CATSPERB: variants seen among roughly 807,000 people sequenced by gnomAD.
CATSPERB encodes the protein catsper channel auxiliary subunit beta.
CATSPERB carries 93 observed loss-of-function variants against 128.3 expected under a neutral mutation model. The ratio of observed to expected loss-of-function variants is 0.72; its 90% CI spans 0.61 to 0.86. The LOEUF (loss-of-function observed/expected upper bound fraction) is 0.86, where lower values mean the gene tolerates loss of function less well. CATSPERB is among the 40% of genes least tolerant of loss of function. CATSPERB has a pLI of 0.00. For synonymous variants in CATSPERB, 381 were observed against 448.8 expected (o/e 0.85, Z 1.91); for missense variants, 1,153 against 1,329.5 (o/e 0.87, Z 2.06).
chr14:91,657,135 T>C (rs915135348), intron 15 of CATSPERB, among the ~76,000 whole-genome samples: 4 of 151,660 alleles, frequency 2.6e-5, no homozygotes, highest in African/African-American at 9.7e-5. Flanking sequence ...AGACAGAAAA[T>C]CAAAAAAGAA....
rs528681483 is a variant in CATSPERB at position 91,659,583 on chromosome 14, G to A, written c.1432+254C>T. The stretch of plus-strand genomic sequence containing the variant: ...GCTGAGCACAATTGTAGCTTGACAA[G>A]TGGTAGCTGTTATTATTTGGCTTTT... On this transcript the variant is annotated intron_variant, in intron 15 of 26. Coordinates refer to ENST00000256343, the MANE Select transcript of CATSPERB (RefSeq NM_024764.4). Among the ~76,000 whole-genome samples, 9 of 152,334 alleles carry A rather than the reference G, an allele frequency of 5.9e-5. No individual in the cohort carries two copies. The South Asian group carries it at 1.9e-3, about 32-fold the overall frequency.
At chr14:91,582,637 T>C (rs2139752086) in intron 26 of CATSPERB, among the ~76,000 whole-genome samples, 1 of 152,264 alleles carries the variant, frequency 6.6e-6, no homozygotes, top group South Asian at 2.1e-4. Context: ...CACCTTTGAG[T>C]GGTACCTTTG....
intron 22 of CATSPERB, among the ~76,000 whole-genome samples, chr14:91,599,545 C>CAAAAAAAAAA (rs36175924): frequency 1.8e-5 from 2 of 113,978 alleles, no homozygotes; most frequent in Non-Finnish European, 3.5e-5. Flanking sequence ...GGCGGCAGAG[C>CAAAAAAAAAA]AAAAAAAAAA....
Position 91,621,678 on chromosome 14 carries a change from G to A in CATSPERB, c.2190C>T (p.Leu730=), listed in dbSNP as rs1270765069. 1 of 1,613,344 alleles carries A rather than the reference G, an allele frequency of 6.2e-7. No individual in the cohort carries two copies. Among genetic ancestry groups the A allele is most frequent in the Non-Finnish European group, 8.5e-7 (1 of 1,179,346 alleles). Residue 730 remains leucine, a synonymous_variant, in exon 19 of 27, where the codon CTC becomes CTT. Transcript: ENST00000256343. ...YWFQHDDSPS[L]NIVKYIDLGN... ...CCAGATCAATGTATTTCACGATGTT[G>A]AGGGATGGTGAATCATCATGTTGAA...
chr14:91,685,497 C>T (rs975898243), intron 10 of CATSPERB, among the ~76,000 whole-genome samples: 5 of 152,034 alleles, frequency 3.3e-5, no homozygotes, highest in South Asian at 2.1e-4. Flanking sequence ...TGTGCAAGGC[C>T]GTGTGGTAAT....
intron 17 of CATSPERB, among the ~76,000 whole-genome samples, chr14:91,630,722 C>T (rs1894260501): frequency 6.6e-6 from 1 of 152,190 alleles, no homozygotes; most frequent in Non-Finnish European, 1.5e-5. Flanking sequence ...AGCTTCTACT[C>T]ACACCCTGTC....
chr14:91,581,454 A>G (rs1893206229), intron 26 of CATSPERB, among the ~76,000 whole-genome samples: 1 of 152,236 alleles, frequency 6.6e-6, no homozygotes, highest in African/African-American at 2.4e-5. Flanking sequence ...CTACCTGCCT[A>G]GGGCAGTCAG....
chr14:91,621,811 CT>C lies in CATSPERB; in HGVS notation c.2056del (p.Ser686ValfsTer6). 6.2e-7 allele frequency: 1 copy of C among 1,614,204 alleles called. No homozygotes were observed. Among genetic ancestry groups the C allele is most frequent in the South Asian group, 1.1e-5 (1 of 91,086 alleles). On this transcript the variant is annotated frameshift_variant, in exon 19 of 27. Coordinates refer to ENST00000256343, the MANE Select transcript of CATSPERB (RefSeq NM_024764.4). LOFTEE classifies it high-confidence loss of function. ...TAGAAAGGTCATATTGTTGGGTGCA[CT>C]TTCAGGCATGGTAGCAATGGCTAAT... The part of the protein sequence containing the change: ...NALAIATMPE[S>X]APNNMTFLKS...
At chr14:91,685,657 G>A (rs1263567978) in intron 10 of CATSPERB, among the ~76,000 whole-genome samples, 4 of 152,214 alleles carry the variant, frequency 2.6e-5, no homozygotes, top group Non-Finnish European at 5.9e-5. Context: ...GCACCTTGGT[G>A]GTCAGGGAGG....
At chr14:91,586,546 G>GGA (rs759345481) in intron 26 of CATSPERB, among the ~76,000 whole-genome samples, 137 of 117,986 alleles carry the variant, frequency 1.2e-3, no homozygotes, top group African/African-American at 3.7e-3. Flanking sequence ...GGCCGGAACA[G>GGA]GAGAGAGAGA....
intron 22 of CATSPERB, among the ~76,000 whole-genome samples, chr14:91,595,699 G>T (rs1893496040): frequency 6.6e-6 from 1 of 152,156 alleles, no homozygotes; most frequent in African/African-American, 2.4e-5. Context: ...AGTCAAGTTT[G>T]CTTCCTTAAA....
chr14:91,588,440 G>T (rs1228814227), intron 24 of CATSPERB, among the ~76,000 whole-genome samples: 2 of 152,028 alleles, frequency 1.3e-5, no homozygotes, highest in Non-Finnish European at 1.5e-5. Flanking sequence ...TGACCTGCAC[G>T]TGCTTCGTGT....
intron 23 of CATSPERB, among the ~76,000 whole-genome samples, chr14:91,589,940 G>A (rs1029547203): frequency 4.0e-5 from 6 of 151,794 alleles, no homozygotes; most frequent in Non-Finnish European, 7.4e-5. Context: ...AACTTTTTTT[G>A]GCTAAATCAT....
rs372387711 is a variant in CATSPERB, at chr14:91,731,615, A to G, written c.-1+315T>C. On this transcript the variant is annotated intron_variant, in intron 1 of 26. Coordinates refer to ENST00000256343, the MANE Select transcript of CATSPERB (RefSeq NM_024764.4). ...TTGACAAGTATTACTTCTGAATTCC[A>G]TATCTCCATACACTGCAGCAACTTC... Among the ~76,000 whole-genome samples, 5 of 152,310 alleles carry G rather than the reference A, an allele frequency of 3.3e-5. No individual in the cohort carries two copies. The South Asian group carries it at 1.0e-3, about 32-fold the overall frequency.
intron 14 of CATSPERB, among the ~76,000 whole-genome samples, chr14:91,666,604 G>C (rs1894987874): frequency 6.6e-6 from 1 of 152,206 alleles, no homozygotes; most frequent in South Asian, 2.1e-4. Flanking sequence ...AGTAGCAAAA[G>C]TCTGGCTTCA....
At chr14:91,582,704 GT>G (rs879313468) in intron 26 of CATSPERB, among the ~76,000 whole-genome samples, 2 of 152,030 alleles carry the variant, frequency 1.3e-5, no homozygotes, top group Admixed American at 1.3e-4. Context: ...CCTATTCTGA[GT>G]GCATAAAGGC....
At chr14:91,656,770 C>T (rs979534784) in intron 15 of CATSPERB, among the ~76,000 whole-genome samples, 35 of 151,942 alleles carry the variant, frequency 2.3e-4, no homozygotes, top group African/African-American at 7.5e-4. Flanking sequence ...AAGAAACACA[C>T]TTCACCTAAA....
intron 10 of CATSPERB, among the ~76,000 whole-genome samples, chr14:91,689,097 G>A (rs1895422820): frequency 6.6e-6 from 1 of 152,118 alleles, no homozygotes; most frequent in Non-Finnish European, 1.5e-5. Context: ...AAACAGAAGG[G>A]GTTCCCCTCT....
chr14:91,722,861 TTTC>T (rs751956052), intron 4 of CATSPERB, among the ~76,000 whole-genome samples, 185 bp downstream of exon 4: 7 of 152,156 alleles, frequency 4.6e-5, no homozygotes, highest in African/African-American at 1.7e-4. Context: ...CAAATAAGTA[TTTC>T]TTCTTCTTTA....
Sources: allele counts gnomAD v4.1 joint callset (sites outside exome capture counted in the v4.1 genomes callset), GRCh38; gene constraint gnomAD v4.1.1; transcripts MANE v1.5; gene names NCBI Gene and HGNC (gene_info 2026-07-23, HGNC 2026-07-21).